PCDH19: variants seen among roughly 807,000 people sequenced by gnomAD.
PCDH19 encodes the protein protocadherin-19.
PCDH19 carries 6 observed loss-of-function variants against 46.2 expected under a neutral mutation model. The observed-to-expected ratio is 0.13, with a 90% CI of 0.07 to 0.26. The LOEUF (loss-of-function observed/expected upper bound fraction) is 0.26. PCDH19 is among the 10% of genes least tolerant of loss of function. The pLI is 1.00. For synonymous variants in PCDH19, 481 were observed against 415.7 expected, an observed-to-expected ratio of 1.16 and a Z score of -1.91; for missense variants, 740 against 972.3, an observed-to-expected ratio of 0.76 and a Z score of 3.18.
At chrX:100,361,970 A>G (rs1926896446) in intron 3 of PCDH19, among the ~76,000 whole-genome samples, 1 of 112,000 alleles carries the variant, frequency 8.9e-6, no homozygotes, top group Admixed American at 9.5e-5. Flanking sequence ...GAAATGAAAT[A>G]ATGAGGGGAA....
intron 3 of PCDH19, among the ~76,000 whole-genome samples, chrX:100,396,910 T>C (rs1336241465): frequency 8.9e-6 from 1 of 112,185 alleles, no homozygotes; most frequent in Non-Finnish European, 1.9e-5. Context: ...CTCATTGCTT[T>C]CTCCTTCAGG....
intron 3 of PCDH19, among the ~76,000 whole-genome samples, chrX:100,375,244 C>T (rs769404468): frequency 9.0e-6 from 1 of 111,176 alleles, no homozygotes; most frequent in African/African-American, 3.3e-5. Flanking sequence ...TTAGATATAC[C>T]CCCTCCCTCC....
At chrX:100,393,438 C>T (rs946976257) in intron 3 of PCDH19, among the ~76,000 whole-genome samples, 1 of 108,657 alleles carries the variant, frequency 9.2e-6, no homozygotes, top group Non-Finnish European at 1.9e-5. Flanking sequence ...TTATTCCCTC[C>T]TGCTTCTTTC....
At chrX:100,392,331 A>C (rs186540426) in intron 3 of PCDH19, among the ~76,000 whole-genome samples, 1 of 112,478 alleles carries the variant, frequency 8.9e-6, no homozygotes, top group Admixed American at 9.4e-5. Context: ...ATGACCTAGA[A>C]GTGTAAGCAC....
At chrX:100,363,276 C>G (rs1018026661) in intron 3 of PCDH19, among the ~76,000 whole-genome samples, 1 of 106,525 alleles carries the variant, frequency 9.4e-6, no homozygotes, top group African/African-American at 3.5e-5. Flanking sequence ...TGCACTCCAG[C>G]CTGGACAACA....
chrX:100,388,349 T>C (rs979792378), intron 3 of PCDH19, among the ~76,000 whole-genome samples: 1 of 110,427 alleles, frequency 9.1e-6, no homozygotes, highest in Non-Finnish European at 1.9e-5. Context: ...TTAATCTATG[T>C]GTGTTATTTT....
At chrX:100,326,066 CA>C (rs1395192379) in intron 5 of PCDH19, among the ~76,000 whole-genome samples, 2 of 112,687 alleles carry the variant, frequency 1.8e-5, no homozygotes, top group Non-Finnish European at 3.7e-5. Flanking sequence ...CAGCTCTAAG[CA>C]AGGCAAGGGT....
At chrX:100,323,070 A>T (rs2147468762) in intron 5 of PCDH19, among the ~76,000 whole-genome samples, 1 of 108,994 alleles carries the variant, frequency 9.2e-6, no homozygotes, top group Non-Finnish European at 1.9e-5. Flanking sequence ...TCAAGCTGTG[A>T]TTCAACTGAA....
chrX:100,307,877 C>T (rs1332266990), intron 5 of PCDH19, among the ~76,000 whole-genome samples: 1 of 110,516 alleles, frequency 9.0e-6, no homozygotes, highest in Non-Finnish European at 1.9e-5. Context: ...TAAAACACTG[C>T]TGAAAAAAAT....
chrX:100,337,888 T>C (rs750000057), intron 5 of PCDH19, among the ~76,000 whole-genome samples: 3 of 112,357 alleles, frequency 2.7e-5, no homozygotes, highest in African/African-American at 9.7e-5. Flanking sequence ...CATATACATG[T>C]ATTGAAGCAT....
At chrX:100,321,935 G>A (rs1199101813) in intron 5 of PCDH19, among the ~76,000 whole-genome samples, 8 of 107,464 alleles carry the variant, frequency 7.4e-5, no homozygotes, top group Non-Finnish European at 1.2e-4. Flanking sequence ...GACTACAGGC[G>A]CCCGCCACCA....
chrX:100,368,674 A>C (rs946975426), intron 3 of PCDH19, among the ~76,000 whole-genome samples: 1 of 87,800 alleles, frequency 1.1e-5, no homozygotes, highest in African/African-American at 4.2e-5. Flanking sequence ...TTCAGTGCCC[A>C]AAAGAGGAAG....
intron 3 of PCDH19, among the ~76,000 whole-genome samples, chrX:100,356,327 T>G (rs1445063824): frequency 8.9e-6 from 1 of 111,811 alleles, no homozygotes; most frequent in Non-Finnish European, 1.9e-5. Context: ...GCTGCTTCTT[T>G]TTTTAACTGC....
intron 5 of PCDH19, among the ~76,000 whole-genome samples, chrX:100,303,697 C>A (rs1202873509): frequency 8.9e-6 from 1 of 112,121 alleles, no homozygotes; most frequent in Non-Finnish European, 1.9e-5. Context: ...ACAAATTACA[C>A]TACAAACAAC....
intron 5 of PCDH19, among the ~76,000 whole-genome samples, chrX:100,324,747 G>A (rs769164543): frequency 4.5e-5 from 5 of 111,694 alleles, no homozygotes; most frequent in Non-Finnish European, 7.5e-5. Context: ...GATAAGTGAA[G>A]AGGGGAGACA....
At chrX:100,353,938 G>T (rs1926640688) in intron 3 of PCDH19, among the ~76,000 whole-genome samples, 1 of 111,929 alleles carries the variant, frequency 8.9e-6, no homozygotes, top group Non-Finnish European at 1.9e-5. Flanking sequence ...ATGGGGCTAT[G>T]CTGATTCACC....
At chrX:100,321,587 C>T (rs1160628157) in intron 5 of PCDH19, among the ~76,000 whole-genome samples, 1 of 110,101 alleles carries the variant, frequency 9.1e-6, no homozygotes, top group African/African-American at 3.3e-5. Flanking sequence ...ATTATCTGTT[C>T]ATGTCTTTAG....
chrX:100,375,192 G>A (rs1927336570), intron 3 of PCDH19, among the ~76,000 whole-genome samples: 1 of 111,467 alleles, frequency 9.0e-6, no homozygotes, highest in Non-Finnish European at 1.9e-5. Flanking sequence ...ATGTATACAC[G>A]TGCCATGTTG....
rs1402623927 is a variant in PCDH19, at chrX:100,294,427, C to A, written c.*1850G>T. ...TGTTCTCCCCTACCTAACCCCATCC[C>A]TACTGCCTTACCCACCCCCTCCCTC... On this transcript the variant is annotated 3_prime_UTR_variant, in exon 6 of 6. Transcript: ENST00000373034. The A allele has an allele frequency of 9.0e-6, 1 of 110,630 alleles. No individual in the cohort carries two copies. The highest frequency in any genetic ancestry group is 1.9e-5 in the Non-Finnish European group (1 of 52,809). 9.1% of individuals were successfully genotyped at this position (110,630 alleles called of 1,213,427 possible). A position where few individuals can be genotyped will look rare whatever the true frequency, so the allele number is the denominator to read the frequency against.
Sources: gnomAD v4.1 joint callset for allele counts (sites outside exome capture counted in the v4.1 genomes callset) on GRCh38, gnomAD v4.1.1 for gene constraint, MANE v1.5 for transcripts, NCBI Gene and HGNC (gene_info 2026-07-23, HGNC 2026-07-21) for gene names.